The following CDH13 variants were observed in gnomAD, a reference collection of about 807,000 sequenced individuals.
CDH13 encodes the protein cadherin 13.
In CDH13, 24 loss-of-function variants were observed where a neutral mutation model predicts 63.8. The observed-to-expected ratio is 0.38, with a 90% CI of 0.27 to 0.53. CDH13 has a LOEUF of 0.53. Ranked by LOEUF, CDH13 falls within the 20% of genes least tolerant of loss-of-function variation. The pLI, the probability that CDH13 is intolerant of heterozygous loss-of-function variation, is 0.85. For missense variants in CDH13, 1,049 were observed against 903.1 expected (o/e 1.16, Z -2.07); for synonymous variants, 503 against 355.3 (o/e 1.42, Z -4.67).
At chr16:83,597,950 C>G (rs1455016429) in intron 7 of CDH13, among the ~76,000 whole-genome samples, 1 of 152,230 alleles carries the variant, frequency 6.6e-6, no homozygotes, top group Non-Finnish European at 1.5e-5. Context: ...GTCCTCAACG[C>G]TAAACTTTGA....
intron 2 of CDH13, among the ~76,000 whole-genome samples, chr16:83,023,277 C>T (rs1425955868): frequency 6.6e-6 from 1 of 151,522 alleles, no homozygotes; most frequent in African/African-American, 2.4e-5. Context: ...TTTGCAATTT[C>T]CCCCAGGTGG....
At chr16:83,080,869 G>GTTTTTTTT (rs1555579021) in intron 3 of CDH13, among the ~76,000 whole-genome samples, 3 of 37,790 alleles carry the variant, frequency 7.9e-5, no homozygotes, top group African/African-American at 3.2e-4. Flanking sequence ...TTTTGTTTTT[G>GTTTTTTTT]TGTTTTTTTT....
chr16:83,478,839 A>AG (rs2073681499), intron 6 of CDH13, among the ~76,000 whole-genome samples: 1 of 135,062 alleles, frequency 7.4e-6, no homozygotes, highest in African/African-American at 3.2e-5. Flanking sequence ...AAGATGAGAA[A>AG]AAAAAAAAAA....
At chr16:83,038,649 CGT>C (rs1387149940) in intron 3 of CDH13, among the ~76,000 whole-genome samples, 2 of 152,144 alleles carry the variant, frequency 1.3e-5, no homozygotes, top group African/African-American at 4.8e-5. Flanking sequence ...GAGGGGTCTG[CGT>C]GTGTGTGTTT....
intron 10 of CDH13, among the ~76,000 whole-genome samples, chr16:83,690,446 G>A (rs1269188767): frequency 6.6e-6 from 1 of 152,214 alleles, no homozygotes; most frequent in Admixed American, 6.5e-5. Flanking sequence ...GAGGAAGCAA[G>A]TGGGAAGGCC....
chr16:83,706,286 G>A (rs1042839084), intron 10 of CDH13, among the ~76,000 whole-genome samples: 3 of 152,070 alleles, frequency 2.0e-5, no homozygotes, highest in South Asian at 2.1e-4. Flanking sequence ...TTTCTCTTTC[G>A]CCTTTTATGA....
intron 6 of CDH13, among the ~76,000 whole-genome samples, chr16:83,353,826 A>G (rs2091005060): frequency 6.6e-6 from 1 of 152,172 alleles, no homozygotes; most frequent in Non-Finnish European, 1.5e-5. Context: ...CCTTGGGTTC[A>G]CTTTGATTAC....
intron 1 of CDH13, among the ~76,000 whole-genome samples, chr16:82,743,720 G>A (rs2034037757): frequency 6.6e-6 from 1 of 152,096 alleles, no homozygotes; most frequent in African/African-American, 2.4e-5. Context: ...AGTGTTGCTT[G>A]TCCCCCACTG....
intron 7 of CDH13, among the ~76,000 whole-genome samples, chr16:83,598,365 AAAAT>A (rs1272112817): frequency 2.0e-4 from 31 of 152,236 alleles, no homozygotes; most frequent in African/African-American, 7.5e-4. Context: ...ACCCTGTCTC[AAAAT>A]AAATAAATAT....
chr16:82,885,183 C>A (rs1228336599), intron 2 of CDH13, among the ~76,000 whole-genome samples: 2 of 152,162 alleles, frequency 1.3e-5, no homozygotes, highest in African/African-American at 4.8e-5. Flanking sequence ...ATTATGAGCA[C>A]TACTCTTATG....
At chr16:82,695,401 C>G (rs2030152223) in intron 1 of CDH13, among the ~76,000 whole-genome samples, 1 of 152,182 alleles carries the variant, frequency 6.6e-6, no homozygotes, top group South Asian at 2.1e-4. Flanking sequence ...TTCTTTTTAA[C>G]TCTACTTCCC....
At chr16:82,827,895 C>T (rs1241011971) in intron 1 of CDH13, among the ~76,000 whole-genome samples, 1 of 152,076 alleles carries the variant, frequency 6.6e-6, no homozygotes, top group Non-Finnish European at 1.5e-5. Context: ...ATTTGTCACA[C>T]TAATGGAGTT....
chr16:83,485,321 A>G lies in CDH13; in HGVS notation c.782-1156A>G, dbSNP rs900525688. 9.2e-5 allele frequency among the ~76,000 whole-genome samples: 14 copies of G among 152,356 alleles called. 2 individuals are homozygous for G. Among genetic ancestry groups the G allele is most frequent in the Admixed American group, 7.2e-4 (11 of 15,304 alleles). ...CTTTGCTGCCCAATGGTCCTTGACA[A>G]TGGATATACCAGTTTCCCTTTATAT... On this transcript the variant is annotated intron_variant, in intron 6 of 13. Coordinates refer to ENST00000567109, the MANE Select transcript of CDH13 (RefSeq NM_001257.5).
At chr16:82,900,979 A>G (rs1242691567) in intron 2 of CDH13, among the ~76,000 whole-genome samples, 3 of 152,194 alleles carry the variant, frequency 2.0e-5, no homozygotes, top group African/African-American at 7.2e-5. Flanking sequence ...TGAATGATCC[A>G]GGAGCCCAGA....
At chr16:83,645,086 G>A (rs1031082854) in intron 8 of CDH13, among the ~76,000 whole-genome samples, 17 of 151,974 alleles carry the variant, frequency 1.1e-4, no homozygotes, top group African/African-American at 4.1e-4. Flanking sequence ...ATATTAAAAG[G>A]GCTACTCCTC....
At chr16:83,620,631 C>T (rs557976089) in intron 8 of CDH13, among the ~76,000 whole-genome samples, 130 of 152,238 alleles carry the variant, frequency 8.5e-4, no homozygotes, top group African/African-American at 2.7e-3. Flanking sequence ...CCCTTCCACA[C>T]GCCACATGCT....
intron 6 of CDH13, among the ~76,000 whole-genome samples, chr16:83,376,609 C>G (rs1394797809): frequency 6.6e-6 from 1 of 152,062 alleles, no homozygotes; most frequent in East Asian, 1.9e-4. Context: ...CGGTGAGATG[C>G]TAGCATGATG....
chr16:83,591,589 T>C (rs1176994539), intron 7 of CDH13, among the ~76,000 whole-genome samples: 2 of 152,178 alleles, frequency 1.3e-5, no homozygotes, highest in African/African-American at 2.4e-5. Context: ...TGCAGCCTGA[T>C]GTCTCCACTC....
intron 1 of CDH13, among the ~76,000 whole-genome samples, chr16:82,640,182 G>C (rs1173483306): frequency 1.3e-5 from 2 of 152,172 alleles, no homozygotes; most frequent in African/African-American, 4.8e-5. Flanking sequence ...GTGTTGTTCT[G>C]AGCTTGTCCA....
Sources: allele counts gnomAD v4.1 joint callset (sites outside exome capture counted in the v4.1 genomes callset), GRCh38; gene constraint gnomAD v4.1.1; transcripts MANE v1.5; gene names NCBI Gene and HGNC (gene_info 2026-07-23, HGNC 2026-07-21).